SLC38A6: variants seen among roughly 807,000 people sequenced by gnomAD.
SLC38A6 encodes N system amino acid transporter NAT-1.
A neutral mutation model predicts 65.0 loss-of-function variants in SLC38A6; 73 were observed. That is an observed-to-expected ratio of 1.12 (90% CI 0.93 to 1.37). The LOEUF is 1.37. Ranked by LOEUF, SLC38A6 falls within the 40% of genes most tolerant of loss-of-function variation. SLC38A6 has a pLI of 0.00. For missense variants in SLC38A6, 561 were observed against 531.1 expected (o/e 1.06, Z -0.55); for synonymous variants, 183 against 178.8 (o/e 1.02, Z -0.19).
intron 3 of SLC38A6, among the ~76,000 whole-genome samples, chr14:61,001,833 AC>A (rs1441917413): frequency 2.6e-5 from 4 of 152,202 alleles, no homozygotes; most frequent in African/African-American, 7.2e-5. Context: ...TAAATTAAAT[AC>A]ATATAAACAT....
chr14:60,999,053 A>G (rs151191906), intron 3 of SLC38A6, among the ~76,000 whole-genome samples: 61 of 152,386 alleles, frequency 4.0e-4, no homozygotes, highest in African/African-American at 1.3e-3. Flanking sequence ...AGTACCAAAA[A>G]TAGTTTACTG....
In SLC38A6 at chr14:60,981,309, A is replaced by AG; in HGVS notation, c.33dup (p.Arg12AlafsTer11). On this transcript the variant is annotated frameshift_variant, in exon 1 of 16. Coordinates refer to ENST00000267488, the MANE Select transcript of SLC38A6 (RefSeq NM_153811.3). LOFTEE classifies it high-confidence loss of function. Reference sequence around the variant, plus strand: ...GCGTCCTGGGGGAGCTTCAACGCTGAGCGGGGCTGGTATGTCTCTGTCCAG... The same window carrying AG: ...GCGTCCTGGGGGAGCTTCAACGCTGAGGCGGGGCTGGTATGTCTCTGTCCAG... 1 of 1,610,452 alleles carries AG rather than the reference A, an allele frequency of 6.2e-7. No individual in the cohort carries two copies. The highest frequency in any genetic ancestry group is 1.1e-5 in the South Asian group (1 of 89,846).
chr14:60,985,313 A>G (rs1477618846), intron 3 of SLC38A6, among the ~76,000 whole-genome samples: 1 of 152,226 alleles, frequency 6.6e-6, no homozygotes, highest in Non-Finnish European at 1.5e-5. Context: ...CCTAAGAGAA[A>G]TAAGTATGTG....
At chr14:61,045,918 T>A in intron 11 of SLC38A6, 149 bp from the exon 12 acceptor site, 1 of 538,562 alleles carries the variant, frequency 1.9e-6, no homozygotes, top group Non-Finnish European at 3.4e-6. Context: ...GTAATCTTTG[T>A]GTACTAATTT....
intron 10 of SLC38A6, among the ~76,000 whole-genome samples, chr14:61,044,101 A>T (rs2139797638): frequency 6.6e-6 from 1 of 152,280 alleles, no homozygotes; most frequent in South Asian, 2.1e-4. Flanking sequence ...GAACTGTGAC[A>T]TGGATGGTCT....
At chr14:61,079,662 G>T (rs760068731) in intron 16 of SLC38A6, among the ~76,000 whole-genome samples, 2 of 152,018 alleles carry the variant, frequency 1.3e-5, no homozygotes, top group Non-Finnish European at 2.9e-5. Flanking sequence ...TTGTATATTT[G>T]TATGTCTAAC....
At chr14:61,082,701 C>G (rs941612130) in intron 16 of SLC38A6, among the ~76,000 whole-genome samples, 6 of 152,156 alleles carry the variant, frequency 3.9e-5, no homozygotes, top group African/African-American at 1.4e-4. Flanking sequence ...GTTTCTACCC[C>G]TCTCCTCAAG....
At chr14:61,080,540 A>G (rs577023989) in intron 16 of SLC38A6, among the ~76,000 whole-genome samples, 1 of 152,166 alleles carries the variant, frequency 6.6e-6, no homozygotes, top group Admixed American at 6.5e-5. Flanking sequence ...CTTGAGTTCT[A>G]CCCTCATGGA....
intron 5 of SLC38A6, among the ~76,000 whole-genome samples, chr14:61,027,326 A>T (rs995932042): frequency 6.6e-6 from 1 of 152,140 alleles, no homozygotes; most frequent in Non-Finnish European, 1.5e-5. Context: ...GGGCCACTTA[A>T]CTATATGCAT....
intron 4 of SLC38A6, among the ~76,000 whole-genome samples, chr14:61,016,574 A>G (rs566224339): frequency 3.9e-5 from 6 of 152,300 alleles, no homozygotes; most frequent in Non-Finnish European, 7.4e-5. Context: ...CCCACTTGCA[A>G]TAGGGATACT....
chr14:61,008,663 T>A (rs2039330518), intron 3 of SLC38A6, among the ~76,000 whole-genome samples: 1 of 152,168 alleles, frequency 6.6e-6, no homozygotes, highest in Non-Finnish European at 1.5e-5. Flanking sequence ...TTTGAGCCAT[T>A]TAATTTTCAT....
chr14:61,083,681 A>T, exon 17 of SLC38A6: 1 of 1,549,850 alleles, frequency 6.5e-7, no homozygotes, highest in South Asian at 1.2e-5. Context: ...TTGATCTTGC[A>T]CTTCCCAACC....
intron 4 of SLC38A6, among the ~76,000 whole-genome samples, chr14:61,018,686 G>A (rs1239425027): frequency 6.6e-6 from 1 of 152,122 alleles, no homozygotes; most frequent in Non-Finnish European, 1.5e-5. Flanking sequence ...TGATTACCTT[G>A]AGTTCCCCAG....
intron 16 of SLC38A6, among the ~76,000 whole-genome samples, chr14:61,080,108 T>C (rs1257041674): frequency 6.6e-6 from 1 of 152,128 alleles, no homozygotes; most frequent in Non-Finnish European, 1.5e-5. Context: ...TAAAAGGCAA[T>C]AACAACAACA....
chr14:61,019,488 T>A, intron 4 of SLC38A6, 53 bp from the exon 5 acceptor site: 1 of 1,559,516 alleles, frequency 6.4e-7, no homozygotes, highest in South Asian at 1.1e-5. Context: ...AAAATACTGA[T>A]CCTTTTATAT....
chr14:61,055,106 CT>C (rs1280245361), downstream of SLC38A6, among the ~76,000 whole-genome samples: 21 of 63,282 alleles, frequency 3.3e-4, no homozygotes, highest in African/African-American at 1.2e-3. Flanking sequence ...AAGTCTTTTT[CT>C]TTTTTTTTTT....
chr14:61,026,740 T>C (rs193175665), intron 5 of SLC38A6, among the ~76,000 whole-genome samples: 13 of 151,984 alleles, frequency 8.6e-5, no homozygotes, highest in Non-Finnish European at 8.8e-5. Context: ...GCGGGCTGTT[T>C]GCACCATCAC....
At chr14:61,045,179 G>C (rs566114251) in intron 10 of SLC38A6, among the ~76,000 whole-genome samples, 167 bp from the exon 11 acceptor site, 1 of 152,236 alleles carries the variant, frequency 6.6e-6, no homozygotes, top group African/African-American at 2.4e-5. Flanking sequence ...TGGATCACAA[G>C]TGTTTTTCTC....
At position 60,984,746 on chromosome 14, in the gene SLC38A6, G is replaced by T; in HGVS notation, c.253G>T (p.Val85Phe). The T allele has an allele frequency of 6.2e-7, 1 of 1,613,992 alleles. No individual in the cohort carries two copies. The highest frequency in any genetic ancestry group is 1.1e-5 in the South Asian group (1 of 91,072). ...VFGFSFLLLT[V>F]ALLASYSVHL... is the part of the protein sequence containing the mutation. ...ATGTTTTAGCTTCTTGCTGCTGACA[G>T]TTGCTCTCCTGGCTTCTTACTCAGT... The change falls in exon 3 of 16, where the codon GTT becomes TTT. Residue 85 changes from valine to phenylalanine, a missense_variant. By Grantham distance (50) the Val-to-Phe change is conservative (BLOSUM62 -1). Transcript: ENST00000267488.
Sources: gnomAD v4.1 joint callset for allele counts (sites outside exome capture counted in the v4.1 genomes callset) on GRCh38, gnomAD v4.1.1 for gene constraint, MANE v1.5 for transcripts, NCBI Gene and HGNC (gene_info 2026-07-23, HGNC 2026-07-21) for gene names.